The following NABP2 variants were observed in gnomAD, a reference collection of about 807,000 sequenced individuals.
NABP2 encodes the protein nucleic acid binding protein 2, also known as SOSS complex subunit B1.
NABP2 carries 7 observed loss-of-function variants against 22.7 expected under a neutral mutation model. That is an observed-to-expected ratio of 0.31 (90% CI 0.18 to 0.58). The LOEUF is 0.58. NABP2 is among the 20% of genes least tolerant of loss of function. The probability of loss-of-function intolerance (pLI) is 0.89; values close to 1 mark genes in which losing one functional copy is unlikely to be tolerated. For missense variants in NABP2, 188 were observed against 265.9 expected (o/e 0.71, Z 2.04); for synonymous variants, 107 against 99.2 (o/e 1.08, Z -0.47).
At position 56,229,087 on chromosome 12, in the gene NABP2, T is replaced by TGGCCGCCC; in HGVS notation, c.510_511insGGCCGCCC (p.Pro171GlyfsTer65). 1 of 1,512,344 alleles carries TGGCCGCCC rather than the reference T, an allele frequency of 6.6e-7. No individual in the cohort carries two copies. 93.7% of individuals were successfully genotyped at this position (1,512,344 alleles called of 1,614,324 possible). On this transcript the variant is annotated frameshift_variant, in exon 7 of 7. Transcript: ENST00000267023. LOFTEE classifies it high-confidence loss of function. Reference sequence around the variant, plus strand: ...GTGGTGGCCCACATCCCCCTCATACTCCCTCCCACCCACCCAGCACCCGAA... The same window carrying TGGCCGCCC: ...GTGGTGGCCCACATCCCCCTCATACTGGCCGCCCCCCTCCCACCCACCCAGCACCCGAA...
Position 56,226,375 on chromosome 12 carries a change from C to A in NABP2, c.392C>A (p.Pro131His). The A allele has an allele frequency of 6.2e-7, 1 of 1,613,806 alleles. No homozygotes were observed. Among genetic ancestry groups the A allele is most frequent in the Non-Finnish European group, 8.5e-7 (1 of 1,180,010 alleles). ...PNKAVQNDSN[P>H]SASQPTTGPS... ...CTTCAGGTGCAGAACGACAGCAACC[C>A]TTCAGCTTCCCAGCCTACCACTGGA... The change falls in exon 6 of 7, where the codon CCT (proline) becomes CAT (histidine). Residue 131 changes from proline to histidine, a missense_variant. Physicochemically the swap from Pro to His is moderately conservative, Grantham distance 77. Transcript: ENST00000267023.
Position 56,229,524 on chromosome 12 carries a change from C to T in NABP2, c.*311C>T, listed in dbSNP as rs1163796612. ...CCGAGGTGGGCGGATCACCTGAGGT[C>T]GGGAGTTCAAGACCAGCCTGACCAA... On this transcript the variant is annotated 3_prime_UTR_variant, in exon 7 of 7. Coordinates refer to ENST00000267023, the MANE Select transcript of NABP2 (RefSeq NM_024068.4). The T allele has an allele frequency of 1.5e-5, 5 of 336,184 alleles. No individual in the cohort carries two copies. Among genetic ancestry groups the T allele is most frequent in the Non-Finnish European group, 2.8e-5 (5 of 176,752 alleles). 20.8% of individuals were successfully genotyped at this position (336,184 alleles called of 1,614,324 possible).
chr12:56,223,097 G>A (rs1166475649), upstream of NABP2, among the ~76,000 whole-genome samples: 2 of 152,186 alleles, frequency 1.3e-5, no homozygotes, highest in Non-Finnish European at 2.9e-5. Context: ...GTAGCCGGGC[G>A]TGGTGGCGGG....
At chr12:56,223,319 T>G (rs1436529145), upstream of NABP2, among the ~76,000 whole-genome samples, 1 of 151,976 alleles carries the variant, frequency 6.6e-6, no homozygotes, top group African/African-American at 2.4e-5. Context: ...CCTAGCACTT[T>G]GGGAGGACGA....
At position 56,226,346 on chromosome 12, in the gene NABP2, G is replaced by A. The variant is rs1171808825; in HGVS notation, c.373-10G>A. ...GGAGCAGGATCTGAATATGTAATCT[G>A]TGCCTTCAGGTGCAGAACGACAGCA... is the stretch of plus-strand genomic sequence containing the variant. On this transcript the variant is annotated splice_polypyrimidine_tract_variant and intron_variant, in intron 5 of 6. Transcript: ENST00000267023. 1 of 1,613,998 alleles carries A rather than the reference G, an allele frequency of 6.2e-7. No homozygotes were observed. Among genetic ancestry groups the A allele is most frequent in the Non-Finnish European group, 8.5e-7 (1 of 1,179,994 alleles).
chr12:56,225,324 C>T, intron 2 of NABP2, 49 bp from the exon 3 acceptor site: 1 of 1,611,596 alleles, frequency 6.2e-7, no homozygotes, highest in Non-Finnish European at 8.5e-7. Flanking sequence ...AGAGATACCA[C>T]TCCATTTATT....
Position 56,229,091 on chromosome 12 carries a change from TCCCACCCACCCA to T in NABP2, c.515_526del (p.Ser172_Ser176delinsCys). On this transcript the variant is annotated inframe_deletion, in exon 7 of 7. Coordinates refer to ENST00000267023, the MANE Select transcript of NABP2 (RefSeq NM_024068.4). ...TGGCCCACATCCCCCTCATACTCCC[TCCCACCCACCCA>T]GCACCCGAATCACTCGAAGCCAGCC... 2.5e-6 allele frequency: 1 copy of T among 401,576 alleles called. No homozygotes were observed. The highest frequency in any genetic ancestry group is 4.4e-6 in the Non-Finnish European group (1 of 225,766). The allele number at this position is 401,576 out of a possible 1,614,324, so 24.9% of individuals were successfully genotyped here.
At chr12:56,224,725 G>T in intron 1 of NABP2, 109 bp from the exon 2 acceptor site, 1 of 1,040,832 alleles carries the variant, frequency 9.6e-7, no homozygotes. Flanking sequence ...AGGGTTAGAG[G>T]GGTTGAGGCT....
rs745737165 is a variant in NABP2, at chr12:56,224,827, C to T, written c.-23-7C>T. 1.2e-6 allele frequency: 2 copies of T among 1,610,388 alleles called. No homozygotes were observed. Among genetic ancestry groups the T allele is most frequent in the African/African-American group, 2.7e-5 (2 of 74,896 alleles). On this transcript the variant is annotated splice_polypyrimidine_tract_variant and splice_region_variant and intron_variant, in intron 1 of 6. Transcript: ENST00000267023. ...CATTGAGCCTTCATCCTCTATTCCCCATCCAGTGGGGTGCCGAGGCTCAGG... is the reference window on the plus strand; with the variant it reads ...CATTGAGCCTTCATCCTCTATTCCCTATCCAGTGGGGTGCCGAGGCTCAGG...
Position 56,226,270 on chromosome 12 carries a change from G to C in NABP2, c.372+10G>C, listed in dbSNP as rs1272727335. 2 of 1,614,054 alleles carry C rather than the reference G, an allele frequency of 1.2e-6. No homozygotes were observed. The highest frequency in any genetic ancestry group is 8.5e-7 in the Non-Finnish European group (1 of 1,180,026). On this transcript the variant is annotated intron_variant, in intron 5 of 6. Transcript: ENST00000267023. ...GGCACCCAACAAGGCGGTGAGTCCT[G>C]TGGCCACAATGGTGGGAAAGGAGGG...
chr12:56,228,458 C>T (rs2135836856), intron 6 of NABP2, among the ~76,000 whole-genome samples: 1 of 151,654 alleles, frequency 6.6e-6, no homozygotes, highest in South Asian at 2.1e-4. Context: ...GCAATCTCGG[C>T]TCACTGCAAC....
upstream of NABP2, chr12:56,222,091 A>G (rs1324874267): frequency 6.6e-6 from 1 of 152,220 alleles, no homozygotes. Context: ...TCTAGAGTCT[A>G]TATGGTCCCA....
chr12:56,229,087 T>TTGGCCCCC lies in NABP2; in HGVS notation c.510_511insTGGCCCCC (p.Pro171TrpfsTer65). On this transcript the variant is annotated frameshift_variant, in exon 7 of 7. Coordinates refer to ENST00000267023, the MANE Select transcript of NABP2 (RefSeq NM_024068.4). LOFTEE classifies it high-confidence loss of function. Reference sequence around the variant, plus strand: ...GTGGTGGCCCACATCCCCCTCATACTCCCTCCCACCCACCCAGCACCCGAA... The same window carrying TTGGCCCCC: ...GTGGTGGCCCACATCCCCCTCATACTTGGCCCCCCCCTCCCACCCACCCAGCACCCGAA... The TTGGCCCCC allele has an allele frequency of 8.6e-6, 13 of 1,512,278 alleles. No individual in the cohort carries two copies. The highest frequency in any genetic ancestry group is 1.2e-5 in the Non-Finnish European group (13 of 1,101,950). The allele number at this position is 1,512,278 out of a possible 1,614,324, so 93.7% of individuals were successfully genotyped here. A position where few individuals can be genotyped will look rare whatever the true frequency, so the allele number is the denominator to read the frequency against.
Position 56,229,552 on chromosome 12 carries a change from T to C in NABP2, c.*339T>C, listed in dbSNP as rs539631778. ...GAGTTCAAGACCAGCCTGACCAACA[T>C]GGAGAAACCCCGTGTCTACTAAAAA... On this transcript the variant is annotated 3_prime_UTR_variant, in exon 7 of 7. Coordinates refer to ENST00000267023, the MANE Select transcript of NABP2 (RefSeq NM_024068.4). The C allele has an allele frequency of 9.9e-5, 27 of 273,878 alleles. No individual in the cohort carries two copies. The highest frequency in any genetic ancestry group is 1.9e-4 in the Admixed American group (4 of 20,628). The allele number at this position is 273,878 out of a possible 1,614,324, so 17.0% of individuals were successfully genotyped here. A position where few individuals can be genotyped will look rare whatever the true frequency, so the allele number is the denominator to read the frequency against.
intron 4 of NABP2, 106 bp downstream of exon 4, chr12:56,225,801 GTT>G: frequency 9.4e-7 from 1 of 1,064,074 alleles, no homozygotes; most frequent in Non-Finnish European, 1.4e-6. Context: ...GACTTTTTCT[GTT>G]TGTTTGTTTG....
chr12:56,228,456 G>A (rs531949545), intron 6 of NABP2, among the ~76,000 whole-genome samples: 15 of 150,908 alleles, frequency 9.9e-5, no homozygotes, highest in Non-Finnish European at 1.3e-4. Context: ...GTGCAATCTC[G>A]GCTCACTGCA....
chr12:56,229,087 T>TTGGGCCC lies in NABP2; in HGVS notation c.510_511insTGGGCCC (p.Pro171TrpfsTer32). ...GTGGTGGCCCACATCCCCCTCATAC[T>TTGGGCCC]CCCTCCCACCCACCCAGCACCCGAA... On this transcript the variant is annotated frameshift_variant, in exon 7 of 7. Coordinates refer to ENST00000267023, the MANE Select transcript of NABP2 (RefSeq NM_024068.4). LOFTEE classifies it high-confidence loss of function. 1.3e-6 allele frequency: 2 copies of TTGGGCCC among 1,512,338 alleles called. No individual in the cohort carries two copies. Among genetic ancestry groups the TTGGGCCC allele is most frequent in the Non-Finnish European group, 1.8e-6 (2 of 1,102,006 alleles). 93.7% of individuals were successfully genotyped at this position (1,512,338 alleles called of 1,614,324 possible).
Position 56,224,942 on chromosome 12 carries a change from A to G in NABP2, c.79+7A>G, listed in dbSNP as rs1275523487. 6.4e-7 allele frequency: 1 copy of G among 1,567,994 alleles called. No homozygotes were observed. Among genetic ancestry groups the G allele is most frequent in the South Asian group, 1.1e-5 (1 of 90,274 alleles). ...TTCATTGTGCTGGAGACAGGTGTCT[A>G]TACTGGGGTGGCGGGTTCGCGGGAT... On this transcript the variant is annotated splice_region_variant and intron_variant, in intron 2 of 6. Coordinates refer to ENST00000267023, the MANE Select transcript of NABP2 (RefSeq NM_024068.4).
At position 56,229,055 on chromosome 12, in the gene NABP2, G is replaced by A. The variant is rs1869958352; in HGVS notation, c.478G>A (p.Gly160Ser). Residue 160 changes from glycine (G) to serine (S), a missense_variant, in exon 7 of 7, where the codon GGT becomes AGT. By Grantham distance (56) the Gly-to-Ser change is moderately conservative. Transcript: ENST00000267023. ...TGGGAATGGACTGAGTGCCCCACCA[G>A]GTCCCGGTGGTGGCCCACATCCCCC... ...QNGNGLSAPP[G>S]PGGGPHPPHT... The A allele has an allele frequency of 1.2e-6, 2 of 1,613,262 alleles. No homozygotes were observed. Among genetic ancestry groups the A allele is most frequent in the South Asian group, 2.2e-5 (2 of 90,904 alleles).
Sources: gnomAD v4.1 joint callset for allele counts (sites outside exome capture counted in the v4.1 genomes callset) on GRCh38, gnomAD v4.1.1 for gene constraint, MANE v1.5 for transcripts, NCBI Gene and HGNC (gene_info 2026-07-23, HGNC 2026-07-21) for gene names.